Variants in CRTAC1 observed in about 807,000 individuals in gnomAD.
CRTAC1 encodes acidic secreted protein in cartilage.
A neutral mutation model predicts 67.8 loss-of-function variants in CRTAC1; 37 were observed. That is an observed-to-expected ratio of 0.55 (90% CI 0.42 to 0.72). The LOEUF (loss-of-function observed/expected upper bound fraction) is 0.72. Among genes scored for constraint, CRTAC1 ranks in the 30% least tolerant of loss-of-function variants. The probability of loss-of-function intolerance (pLI) is 0.00; values close to 1 mark genes in which losing one functional copy is unlikely to be tolerated. For synonymous variants in CRTAC1, 348 were observed against 371.0 expected, an observed-to-expected ratio of 0.94 and a Z score of 0.71; for missense variants, 780 against 931.6, an observed-to-expected ratio of 0.84 and a Z score of 2.12.
At chr10:98,020,202 C>T (rs1393266297) in intron 1 of CRTAC1, among the ~76,000 whole-genome samples, 7 of 152,144 alleles carry the variant, frequency 4.6e-5, no homozygotes, top group African/African-American at 7.2e-5. Flanking sequence ...CAGAGTGGGT[C>T]GTGTGGATCT....
chr10:97,972,336 G>T (rs547391195), intron 2 of CRTAC1, among the ~76,000 whole-genome samples: 12 of 152,292 alleles, frequency 7.9e-5, no homozygotes, highest in African/African-American at 2.2e-4. Flanking sequence ...TGTTATAAGG[G>T]AACAGGGTGT....
intron 11 of CRTAC1, among the ~76,000 whole-genome samples, chr10:97,886,351 C>T (rs2050284011): frequency 6.6e-6 from 1 of 152,242 alleles, no homozygotes; most frequent in African/African-American, 2.4e-5. Flanking sequence ...CAGAGCTACA[C>T]TCTGAAGAGT....
Position 97,878,746 on chromosome 10 carries a change from A to G in CRTAC1, c.1819+1503T>C, listed in dbSNP as rs1432674818. 4 of 1,294,646 alleles carry G rather than the reference A, an allele frequency of 3.1e-6. No individual in the cohort carries two copies. The East Asian group carries it at 2.2e-4, about 72-fold the overall frequency. The allele number at this position is 1,294,646 out of a possible 1,614,324, so 80.2% of individuals were successfully genotyped here. ...GCCTATGTCCAGCCAGACATTGAGGAGTCTTAGAAAGGAAAGGCCCTTAGG... is the reference window on the plus strand; with the variant it reads ...GCCTATGTCCAGCCAGACATTGAGGGGTCTTAGAAAGGAAAGGCCCTTAGG... On this transcript the variant is annotated intron_variant, in intron 14 of 14. Coordinates refer to ENST00000370597, the MANE Select transcript of CRTAC1 (RefSeq NM_018058.7).
chr10:98,028,713 G>A (rs745314949), intron 1 of CRTAC1, among the ~76,000 whole-genome samples: 94 of 152,184 alleles, frequency 6.2e-4, no homozygotes, highest in Admixed American at 1.0e-3. Flanking sequence ...GTGGAGAGAA[G>A]GTCTTGGGAA....
rs771351655 is a variant in CRTAC1 at position 98,002,761 on chromosome 10, C to CTGTTTTTTT, written c.224+8376_224+8377insAAAAAAACA. On this transcript the variant is annotated intron_variant, in intron 2 of 14. Coordinates refer to ENST00000370597, the MANE Select transcript of CRTAC1 (RefSeq NM_018058.7). ...TTTTAGGAATTCTTTACAAAACTCA[C>CTGTTTTTTT]TTTTTTTTTTTTTTTTTTTTTTTTT... Among the ~76,000 whole-genome samples, 25 of 37,296 alleles carry CTGTTTTTTT rather than the reference C, an allele frequency of 6.7e-4. 2 individuals carry two copies. Among genetic ancestry groups the CTGTTTTTTT allele is most frequent in the East Asian group, 1.5e-3 (2 of 1,330 alleles). 24.5% of individuals were successfully genotyped at this position (37,296 alleles called of 152,430 possible).
chr10:97,980,344 T>C (rs1427357155), intron 2 of CRTAC1, among the ~76,000 whole-genome samples: 1 of 152,226 alleles, frequency 6.6e-6, no homozygotes, highest in African/African-American at 2.4e-5. Flanking sequence ...CCCTTGTACA[T>C]GGGCAAAGTT....
Position 98,005,100 on chromosome 10 carries a change from A to ATATATT in CRTAC1, c.224+6037_224+6038insAATATA. 7.4e-4 allele frequency among the ~76,000 whole-genome samples: 36 copies of ATATATT among 48,878 alleles called. 1 individual carries two copies. Among genetic ancestry groups the ATATATT allele is most frequent in the Non-Finnish European group, 1.0e-3 (29 of 28,964 alleles). The allele number at this position is 48,878 out of a possible 152,430, so 32.1% of individuals were successfully genotyped here. Reference sequence around the variant, plus strand: ...GTAATACATATATATATATATATATATTTTTTTTTTTTTTTTTTTTTGAGA... The same window carrying ATATATT: ...GTAATACATATATATATATATATATATATATTTTTTTTTTTTTTTTTTTTTTTGAGA... On this transcript the variant is annotated intron_variant, in intron 2 of 14. Coordinates refer to ENST00000370597, the MANE Select transcript of CRTAC1 (RefSeq NM_018058.7).
At position 97,998,658 on chromosome 10, in the gene CRTAC1, C is replaced by T. The variant is rs139374910; in HGVS notation, c.224+12480G>A. On this transcript the variant is annotated intron_variant, in intron 2 of 14. Coordinates refer to ENST00000370597, the MANE Select transcript of CRTAC1 (RefSeq NM_018058.7). Reference sequence around the variant, plus strand: ...GTAACATCTTTGGAATTAAAGTGATCCCAGAAGGTCTTTCTGAGATGCAAG... The same window carrying T: ...GTAACATCTTTGGAATTAAAGTGATTCCAGAAGGTCTTTCTGAGATGCAAG... 6.4e-3 allele frequency among the ~76,000 whole-genome samples: 966 copies of T among 152,080 alleles called. 4 individuals are homozygous for T. The highest frequency in any genetic ancestry group is 0.01 in the Non-Finnish European group (698 of 67,990).
chr10:97,912,917 G>A (rs1323913836), intron 5 of CRTAC1, among the ~76,000 whole-genome samples: 2 of 152,214 alleles, frequency 1.3e-5, no homozygotes, highest in Non-Finnish European at 2.9e-5. Flanking sequence ...TGATTCCTGT[G>A]CCCATCTAGC....
At chr10:97,884,121 A>G in intron 12 of CRTAC1, 85 bp downstream of exon 12, 1 of 1,464,294 alleles carries the variant, frequency 6.8e-7, no homozygotes, top group Non-Finnish European at 9.2e-7. Flanking sequence ...CTGAGTTTGC[A>G]GATTCCTGGG....
At chr10:97,914,916 C>T (rs1164464839) in intron 5 of CRTAC1, among the ~76,000 whole-genome samples, 6 of 152,150 alleles carry the variant, frequency 3.9e-5, no homozygotes, top group Non-Finnish European at 8.8e-5. Flanking sequence ...CGAGAGCTGG[C>T]ATGGTGGCCA....
At chr10:97,950,260 G>C (rs1398206435) in intron 2 of CRTAC1, among the ~76,000 whole-genome samples, 42 of 151,170 alleles carry the variant, frequency 2.8e-4, no homozygotes, top group Non-Finnish European at 4.3e-4. Flanking sequence ...GAGAGAGAGA[G>C]AGAGAGAGAG....
intron 11 of CRTAC1, among the ~76,000 whole-genome samples, chr10:97,889,460 G>GGGC (rs144281135): frequency 0.23 from 34,109 of 149,816 alleles, 4,944 homozygotes; most frequent in Non-Finnish European, 0.32. Context: ...TGGTGGGGGG[G>GGGC]GGTCCACTGA....
At chr10:97,970,296 C>A (rs772545212) in intron 2 of CRTAC1, among the ~76,000 whole-genome samples, 2 of 152,118 alleles carry the variant, frequency 1.3e-5, no homozygotes, top group Non-Finnish European at 2.9e-5. Context: ...TCTCAGCTTC[C>A]CCCTTTCCTT....
chr10:97,893,612 T>C (rs2050409197), intron 11 of CRTAC1, among the ~76,000 whole-genome samples: 1 of 152,196 alleles, frequency 6.6e-6, no homozygotes, highest in East Asian at 1.9e-4. Flanking sequence ...ATTGCAAAGA[T>C]AGTACAGAGA....
intron 1 of CRTAC1, among the ~76,000 whole-genome samples, chr10:98,013,073 G>C (rs888253484): frequency 6.6e-6 from 1 of 152,198 alleles, no homozygotes; most frequent in African/African-American, 2.4e-5. Context: ...TTAATAACCA[G>C]TGTCGACATG....
At chr10:97,952,377 T>A (rs2477674) in intron 2 of CRTAC1, among the ~76,000 whole-genome samples, 52,531 of 147,216 alleles carry the variant, frequency 0.36, 9,847 homozygotes, top group African/African-American at 0.49. Context: ...AATAAATAAA[T>A]AAATAAAAAA....
chr10:98,013,274 C>T (rs982781101), intron 1 of CRTAC1, among the ~76,000 whole-genome samples: 11 of 152,136 alleles, frequency 7.2e-5, no homozygotes, highest in African/African-American at 1.7e-4. Context: ...CATGTCTTTT[C>T]GAAGCTAGTT....
intron 2 of CRTAC1, among the ~76,000 whole-genome samples, chr10:97,965,857 T>C (rs1419243661): frequency 1.3e-5 from 2 of 151,946 alleles, no homozygotes; most frequent in African/African-American, 4.8e-5. Context: ...TGAAGAAGGG[T>C]GGTCTAGTCA....
Sources: gnomAD v4.1 joint callset for allele counts (sites outside exome capture counted in the v4.1 genomes callset) on GRCh38, gnomAD v4.1.1 for gene constraint, MANE v1.5 for transcripts, NCBI Gene and HGNC (gene_info 2026-07-23, HGNC 2026-07-21) for gene names.